NOL4: variants seen among roughly 807,000 people sequenced by gnomAD.
NOL4 encodes the protein cancer/testis antigen 125.
A neutral mutation model predicts 75.9 loss-of-function variants in NOL4; 17 were observed. The observed-to-expected ratio is 0.22, with a 90% confidence interval of 0.15 to 0.34. The LOEUF (loss-of-function observed/expected upper bound fraction) is 0.34, where lower values mean the gene tolerates loss of function less well. NOL4 is among the 10% of genes least tolerant of loss of function. NOL4 has a pLI of 1.00. For missense variants in NOL4, 614 were observed against 793.5 expected, an observed-to-expected ratio of 0.77 and a Z score of 2.72; for synonymous variants, 292 against 289.9, an observed-to-expected ratio of 1.01 and a Z score of -0.07.
chr18:34,168,606 T>G (rs919212958), intron 1 of NOL4, among the ~76,000 whole-genome samples: 1 of 150,812 alleles, frequency 6.6e-6, no homozygotes, highest in Non-Finnish European at 1.5e-5. Flanking sequence ...TTAAAAGAAA[T>G]GTAAAAGAAG....
At chr18:33,964,571 C>T (rs2070427176) in intron 6 of NOL4, among the ~76,000 whole-genome samples, 1 of 152,086 alleles carries the variant, frequency 6.6e-6, no homozygotes, top group African/African-American at 2.4e-5. Context: ...TGAACCCAAA[C>T]TTTAATCTAG....
chr18:34,127,845 A>G (rs2080455518), intron 2 of NOL4, among the ~76,000 whole-genome samples: 1 of 151,894 alleles, frequency 6.6e-6, no homozygotes, highest in African/African-American at 2.4e-5. Context: ...TTAGGCCAAA[A>G]AGAACCTTCA....
At chr18:33,879,986 C>T (rs1419993388) in intron 10 of NOL4, among the ~76,000 whole-genome samples, 3 of 151,918 alleles carry the variant, frequency 2.0e-5, no homozygotes, top group Non-Finnish European at 4.4e-5. Context: ...CATGATAGTA[C>T]CTTTTTAACC....
At chr18:33,866,853 T>C (rs1237010546) in intron 10 of NOL4, among the ~76,000 whole-genome samples, 1 of 152,172 alleles carries the variant, frequency 6.6e-6, no homozygotes, top group African/African-American at 2.4e-5. Context: ...TATTTGTTTA[T>C]GTATATATTT....
Position 33,860,538 on chromosome 18 carries a change from A to G in NOL4, c.1724-7503T>C, listed in dbSNP as rs572644510. Among the ~76,000 whole-genome samples the G allele has an allele frequency of 2.5e-3, 387 of 152,246 alleles. 1 individual carries two copies. Among genetic ancestry groups the G allele is most frequent in the Non-Finnish European group, 3.9e-3 (263 of 68,014 alleles). On this transcript the variant is annotated intron_variant, in intron 10 of 10. Transcript: ENST00000261592. ...TCAGCTTAAGGAGATTTTGGGCTGAAACAATGGAGTTTTCTAGATATAGAA... is the reference window on the plus strand; with the variant it reads ...TCAGCTTAAGGAGATTTTGGGCTGAGACAATGGAGTTTTCTAGATATAGAA...
intron 9 of NOL4, among the ~76,000 whole-genome samples, chr18:33,931,225 T>A (rs2067668514): frequency 6.6e-6 from 1 of 152,150 alleles, no homozygotes; most frequent in South Asian, 2.1e-4. Flanking sequence ...CAATTTAGGA[T>A]TCTTAGTCCT....
chr18:34,092,177 T>C lies in NOL4; in HGVS notation c.772+1288A>G, dbSNP rs375581371. Among the ~76,000 whole-genome samples the C allele has an allele frequency of 5.7e-4, 86 of 152,192 alleles. 1 individual carries two copies. In the South Asian group the frequency reaches 7.9e-3, roughly 14 times the overall value. On this transcript the variant is annotated intron_variant, in intron 5 of 10. Transcript: ENST00000261592. ...TTCAGTTACTCTATGATCTTGGTACTATACAATGGCCATTAAAAAAATACA... is the reference window on the plus strand; with the variant it reads ...TTCAGTTACTCTATGATCTTGGTACCATACAATGGCCATTAAAAAAATACA...
At position 34,115,707 on chromosome 18, in the gene NOL4, G is replaced by T. The variant is rs564406677; in HGVS notation, c.415-10547C>A. On this transcript the variant is annotated intron_variant, in intron 2 of 10. Transcript: ENST00000261592. ...ATAAAAACCCTTGCATTTCCCTGAA[G>T]AACGGTAACCCTTTTTCGGGGACTT... 6.6e-5 allele frequency among the ~76,000 whole-genome samples: 10 copies of T among 152,244 alleles called. No homozygotes were observed. In the East Asian group the frequency reaches 1.9e-3, roughly 29 times the overall value.
intron 1 of NOL4, among the ~76,000 whole-genome samples, chr18:34,221,853 C>T (rs925273334): frequency 5.9e-5 from 9 of 152,138 alleles, no homozygotes; most frequent in African/African-American, 2.2e-4. Context: ...GATAGAATAG[C>T]TTTCAAAGCG....
chr18:34,217,483 C>A (rs2036981692), intron 1 of NOL4, among the ~76,000 whole-genome samples: 1 of 151,908 alleles, frequency 6.6e-6, no homozygotes, highest in African/African-American at 2.4e-5. Flanking sequence ...GATGGGGTTT[C>A]ACTGTGTTGC....
Position 33,888,299 on chromosome 18 carries a change from T to C in NOL4, c.1543-4875A>G, listed in dbSNP as rs575168629. ...TTTCTTGTAAATTTGTTGGAGTTCA[T>C]TGTAGATTCTGGATAATAGCCCTTT... On this transcript the variant is annotated intron_variant, in intron 9 of 10. Coordinates refer to ENST00000261592, the MANE Select transcript of NOL4 (RefSeq NM_003787.5). Among the ~76,000 whole-genome samples, 551 of 152,306 alleles carry C rather than the reference T, an allele frequency of 3.6e-3. 4 individuals carry two copies. The highest frequency in any genetic ancestry group is 0.02 in the Middle Eastern group (6 of 294).
intron 9 of NOL4, among the ~76,000 whole-genome samples, chr18:33,909,396 A>G (rs116304049): frequency 6.6e-6 from 1 of 152,276 alleles, no homozygotes; most frequent in African/African-American, 2.4e-5. Flanking sequence ...CCTTTTCCTA[A>G]GTCCACATTT....
intron 6 of NOL4, among the ~76,000 whole-genome samples, chr18:33,974,306 T>C (rs1221177101): frequency 6.6e-6 from 1 of 152,172 alleles, no homozygotes; most frequent in Non-Finnish European, 1.5e-5. Context: ...TGCTCTGGAA[T>C]AGGCTTTGGC....
intron 6 of NOL4, among the ~76,000 whole-genome samples, chr18:34,003,018 A>T (rs1285127577): frequency 6.6e-6 from 1 of 152,100 alleles, no homozygotes; most frequent in African/African-American, 2.4e-5. Context: ...GTGCCAGGAA[A>T]ACCCACTCAA....
At chr18:33,973,650 T>C (rs1267232320) in intron 6 of NOL4, among the ~76,000 whole-genome samples, 1 of 152,184 alleles carries the variant, frequency 6.6e-6, no homozygotes, top group Non-Finnish European at 1.5e-5. Context: ...TGGATGTTGG[T>C]TAGCAGGCCT....
intron 10 of NOL4, among the ~76,000 whole-genome samples, chr18:33,871,739 C>A (rs965093503): frequency 1.5e-4 from 23 of 151,962 alleles, no homozygotes; most frequent in East Asian, 9.7e-4. Context: ...TTTTACTGTA[C>A]AGTTAGAGAA....
intron 9 of NOL4, among the ~76,000 whole-genome samples, chr18:33,885,286 C>T (rs1226696933): frequency 6.6e-6 from 1 of 151,956 alleles, no homozygotes; most frequent in East Asian, 1.9e-4. Context: ...TCCCAATACC[C>T]CACAAGCACA....
chr18:34,140,602 G>C (rs946490564), intron 1 of NOL4, among the ~76,000 whole-genome samples: 2 of 152,146 alleles, frequency 1.3e-5, no homozygotes, highest in South Asian at 2.1e-4. Flanking sequence ...CTCCTGAATA[G>C]AGCACACTGA....
chr18:34,162,745 G>A (rs185854630), intron 1 of NOL4, among the ~76,000 whole-genome samples: 123 of 152,250 alleles, frequency 8.1e-4, no homozygotes, highest in African/African-American at 2.4e-3. Context: ...ATTTTATGAG[G>A]CCAGCATCAT....
Sources: gnomAD v4.1 joint callset for allele counts (sites outside exome capture counted in the v4.1 genomes callset) on GRCh38, gnomAD v4.1.1 for gene constraint, MANE v1.5 for transcripts, NCBI Gene and HGNC (gene_info 2026-07-23, HGNC 2026-07-21) for gene names.